Variants in LRRC27 observed in about 807,000 individuals in gnomAD.
LRRC27 encodes leucine-rich repeat-containing protein 27.
Under a neutral mutation model 55.0 loss-of-function variants are expected in LRRC27, and 57 were observed. The observed-to-expected ratio is 1.04, with a 90% CI of 0.84 to 1.29. LRRC27 has a LOEUF of 1.29. Ranked by LOEUF, LRRC27 falls within the 50% of genes most tolerant of loss-of-function variation. The pLI is 0.00. For missense variants in LRRC27, 721 were observed against 651.5 expected (o/e 1.11, Z -1.16); for synonymous variants, 278 against 251.9 (o/e 1.10, Z -0.98).
chr10:132,364,474 CACCCACCCACACT>C (rs2068869420), intron 9 of LRRC27, among the ~76,000 whole-genome samples: 1 of 109,480 alleles, frequency 9.1e-6, no homozygotes, highest in Non-Finnish European at 1.8e-5. Context: ...CCCACACTTA[CACCCACCCACACT>C]TACACCCACC....
chr10:132,364,473 ACACCCACCCACAC>A (rs2068868820), intron 9 of LRRC27, among the ~76,000 whole-genome samples: 3 of 63,802 alleles, frequency 4.7e-5, no homozygotes, highest in African/African-American at 8.2e-5. Context: ...ACCCACACTT[ACACCCACCCACAC>A]TTACACCCAC....
At chr10:132,354,250 T>C (rs888870345) in intron 7 of LRRC27, among the ~76,000 whole-genome samples, 1 of 152,212 alleles carries the variant, frequency 6.6e-6, no homozygotes, top group African/African-American at 2.4e-5. Context: ...TTCTTCTTTA[T>C]TTTCCTGCCT....
chr10:132,371,558 G>A (rs1198286176), intron 10 of LRRC27, among the ~76,000 whole-genome samples: 1 of 152,190 alleles, frequency 6.6e-6, no homozygotes, highest in Non-Finnish European at 1.5e-5. Context: ...AGAGGAGGCT[G>A]CCTGCTTGTC....
intron 8 of LRRC27, among the ~76,000 whole-genome samples, chr10:132,361,125 C>T (rs1347813693): frequency 6.6e-6 from 1 of 152,218 alleles, no homozygotes; most frequent in Admixed American, 6.5e-5. Flanking sequence ...AGGAAGCCAG[C>T]CACTGCAGCA....
intron 10 of LRRC27, among the ~76,000 whole-genome samples, chr10:132,367,320 T>G (rs2069120543): frequency 1.3e-5 from 2 of 152,206 alleles, no homozygotes; most frequent in Non-Finnish European, 2.9e-5. Context: ...ACATTTAAGG[T>G]TTAAGGAAGA....
chr10:132,364,882 G>A (rs141201248), intron 9 of LRRC27, among the ~76,000 whole-genome samples: 440 of 13,046 alleles, frequency 0.034, 1 homozygote, highest in Admixed American at 0.09. Context: ...AGTGGACCCC[G>A]CCACCCCACA....
intron 10 of LRRC27, chr10:132,366,231 G>A (rs2069071279): frequency 6.5e-6 from 1 of 153,910 alleles, no homozygotes; most frequent in Non-Finnish European, 1.4e-5. Flanking sequence ...GCCATGAGGG[G>A]CGTCACTGCA....
chr10:132,356,580 G>C (rs567952214), intron 8 of LRRC27, among the ~76,000 whole-genome samples: 28 of 141,588 alleles, frequency 2.0e-4, no homozygotes, highest in African/African-American at 7.5e-4. Context: ...AAGATTGCCA[G>C]CTCTTAAGCT....
At chr10:132,347,305 G>A (rs1177016373) in intron 5 of LRRC27, among the ~76,000 whole-genome samples, 1 of 150,456 alleles carries the variant, frequency 6.6e-6, no homozygotes, top group Admixed American at 6.6e-5. Flanking sequence ...AGAGGGTCAG[G>A]CGTGCTCAGT....
upstream of LRRC27, chr10:132,330,538 C>T (rs1417002822): frequency 2.8e-6 from 2 of 716,078 alleles, no homozygotes; most frequent in East Asian, 2.7e-5. Flanking sequence ...GAGACAGGGT[C>T]TCGCTGTCAC....
chr10:132,357,325 T>C (rs2068353865), intron 8 of LRRC27, among the ~76,000 whole-genome samples: 1 of 152,234 alleles, frequency 6.6e-6, no homozygotes, highest in Non-Finnish European at 1.5e-5. Flanking sequence ...AAAATACATA[T>C]TTTGCCACTT....
At chr10:132,369,704 C>CTT (rs1296540857) in intron 10 of LRRC27, among the ~76,000 whole-genome samples, 2 of 152,216 alleles carry the variant, frequency 1.3e-5, no homozygotes, top group African/African-American at 2.4e-5. Context: ...ACTGTGGACT[C>CTT]TGAGTGGTGG....
intron 3 of LRRC27, among the ~76,000 whole-genome samples, chr10:132,341,194 G>A (rs532309277): frequency 1.3e-5 from 2 of 151,802 alleles, no homozygotes; most frequent in South Asian, 2.1e-4. Flanking sequence ...TCAGCCAGGC[G>A]TGGTGGCACA....
At chr10:132,352,845 T>G in intron 7 of LRRC27, 1 of 1,608,646 alleles carries the variant, frequency 6.2e-7, no homozygotes, top group Non-Finnish European at 8.5e-7. Flanking sequence ...CCTGCCTGCT[T>G]TCTTGTTCTT....
chr10:132,331,894 A>AC (rs56390424), upstream of LRRC27: 151,805 of 884,340 alleles, frequency 0.17, 16,892 homozygotes, highest in Non-Finnish European at 0.2. Context: ...ACCCCCTGCC[A>AC]CCCCCGCGCA....
intron 10 of LRRC27, chr10:132,366,803 C>T (rs1402948510): frequency 1.7e-5 from 21 of 1,218,362 alleles, no homozygotes; most frequent in African/African-American, 3.2e-5. Context: ...ACCCCATCTG[C>T]AGGCTCCATT....
rs79680038 is a variant in LRRC27 at position 132,338,711 on chromosome 10, T to A, written c.341+1016T>A. On this transcript the variant is annotated intron_variant, in intron 3 of 10. Transcript: ENST00000368614. ...TAACTCTTTTTCTTTTCTTTCTTTC[T>A]TTTTTTTTTTTTTTTTGAGACGGAA... 3.4e-3 allele frequency among the ~76,000 whole-genome samples: 452 copies of A among 134,310 alleles called. 3 individuals are homozygous for A. The highest frequency in any genetic ancestry group is 1.9e-3 in the East Asian group (9 of 4,796). The allele number at this position is 134,310 out of a possible 152,430, so 88.1% of individuals were successfully genotyped here. A position where few individuals can be genotyped will look rare whatever the true frequency, so the allele number is the denominator to read the frequency against.
At chr10:132,335,023 C>T (rs927409145) in intron 2 of LRRC27, 5 of 152,248 alleles carry the variant, frequency 3.3e-5, no homozygotes, top group African/African-American at 1.2e-4. Context: ...ATCCCCCATC[C>T]TCACATGAGG....
intron 2 of LRRC27, chr10:132,336,681 G>A: frequency 1.4e-6 from 1 of 691,538 alleles, no homozygotes; most frequent in South Asian, 1.6e-5. Flanking sequence ...AGCACAGAGA[G>A]GTTCAGGAAC....
Sources: allele counts gnomAD v4.1 joint callset (sites outside exome capture counted in the v4.1 genomes callset), GRCh38; gene constraint gnomAD v4.1.1; transcripts MANE v1.5; gene names NCBI Gene and HGNC (gene_info 2026-07-23, HGNC 2026-07-21).